The following PRDM11 variants were observed in gnomAD, a reference collection of about 807,000 sequenced individuals.
The protein encoded by PRDM11 is PR/SET domain 11.
A neutral mutation model predicts 97.8 loss-of-function variants in PRDM11; 20 were observed. That is an observed-to-expected ratio of 0.20 (90% CI 0.14 to 0.30). The LOEUF is 0.30. Ranked by LOEUF, PRDM11 falls within the 10% of genes least tolerant of loss-of-function variation. The probability of loss-of-function intolerance (pLI) is 1.00; values close to 1 mark genes in which losing one functional copy is unlikely to be tolerated. For synonymous variants in PRDM11, 599 were observed against 637.7 expected (o/e 0.94, Z 0.91); for missense variants, 1,139 against 1,555.2 (o/e 0.73, Z 4.50).
At chr11:45,202,376 A>G (rs994488083) in intron 4 of PRDM11, among the ~76,000 whole-genome samples, 1 of 152,356 alleles carries the variant, frequency 6.6e-6, no homozygotes, top group African/African-American at 2.4e-5. Context: ...TAACAGAGAT[A>G]ATGCCATGAT....
chr11:45,183,161 A>G (rs1431476126), intron 4 of PRDM11, 38 bp downstream of exon 4: 3 of 1,580,870 alleles, frequency 1.9e-6, no homozygotes, highest in Middle Eastern at 1.8e-4. Flanking sequence ...AGAGGTTGCC[A>G]AGAAACATGG....
At position 45,228,245 on chromosome 11, in the gene PRDM11, T is replaced by TTATATTATATTATATTATATAAATA. The variant is rs1854325077; in HGVS notation, c.*106_*107insAAATATATATTATATTATATTATAT. On this transcript the variant is annotated 3_prime_UTR_variant, in exon 8 of 8. Transcript: ENST00000683152. ...CTTTGATATATTATATAAATATATA[T>TTATATTATATTATATTATATAAATA]TATATTATATTATATTATATTATAT... The TTATATTATATTATATTATATAAATA allele has an allele frequency of 2.4e-5, 1 of 41,286 alleles. No homozygotes were observed. The highest frequency in any genetic ancestry group is 4.8e-5 in the Non-Finnish European group (1 of 20,942). The allele number at this position is 41,286 out of a possible 1,614,324, so 2.6% of individuals were successfully genotyped here.
At chr11:45,096,015 T>A in intron 1 of PRDM11, 1 of 701,848 alleles carries the variant, frequency 1.4e-6, no homozygotes, top group Non-Finnish European at 2.6e-6. Context: ...CTTGTTGTCA[T>A]CTTCTCATTA....
intron 1 of PRDM11, among the ~76,000 whole-genome samples, chr11:45,096,625 A>G (rs1851890215): frequency 6.6e-6 from 1 of 152,138 alleles, no homozygotes; most frequent in African/African-American, 2.4e-5. Flanking sequence ...CCTCCCATTC[A>G]GCTTATTCTC....
intron 4 of PRDM11, 101 bp downstream of exon 4, chr11:45,183,224 C>A: frequency 7.1e-7 from 1 of 1,402,824 alleles, no homozygotes; most frequent in Non-Finnish European, 9.5e-7. Flanking sequence ...CAGAACTTTT[C>A]TACCATCGCT....
chr11:45,137,425 G>A (rs1385320151), intron 1 of PRDM11, among the ~76,000 whole-genome samples: 6 of 149,298 alleles, frequency 4.0e-5, no homozygotes, highest in East Asian at 1.9e-4. Flanking sequence ...AAGAGACTCC[G>A]TCTCAAAAAA....
At chr11:45,162,152 C>G (rs866410193) in intron 1 of PRDM11, among the ~76,000 whole-genome samples, 1 of 152,194 alleles carries the variant, frequency 6.6e-6, no homozygotes, top group Non-Finnish European at 1.5e-5. Context: ...TCCCCAGCAC[C>G]AGCCCTGGAC....
At chr11:45,192,022 G>A (rs964109671) in intron 4 of PRDM11, among the ~76,000 whole-genome samples, 2 of 149,982 alleles carry the variant, frequency 1.3e-5, no homozygotes, top group African/African-American at 2.4e-5. Context: ...GCAACAGGCC[G>A]CCGTGTGTGA....
chr11:45,101,660 A>G (rs1316416565), intron 1 of PRDM11, among the ~76,000 whole-genome samples: 1 of 145,438 alleles, frequency 6.9e-6, no homozygotes, highest in Non-Finnish European at 1.5e-5. Context: ...CAGGGCTCAG[A>G]GCTGGAGGCT....
intron 4 of PRDM11, among the ~76,000 whole-genome samples, chr11:45,200,803 T>C (rs1394277154): frequency 1.3e-5 from 2 of 152,232 alleles, no homozygotes; most frequent in Non-Finnish European, 2.9e-5. Context: ...TTTCTCTTTT[T>C]AGTTTTCTGA....
In PRDM11 at chr11:45,210,354, G is replaced by A. The variant is rs530742866; in HGVS notation, c.554+5576G>A. Among the ~76,000 whole-genome samples, 16 of 152,310 alleles carry A rather than the reference G, an allele frequency of 1.1e-4. No homozygotes were observed. The South Asian group carries it at 2.3e-3, about 22-fold the overall frequency. ...TGCACTTTGAAGCCAGGGCCCCAGC[G>A]GCCGAGGCGGGTGTCCCTTGGGGCT... On this transcript the variant is annotated intron_variant, in intron 5 of 7. Transcript: ENST00000683152.
chr11:45,098,385 G>A (rs568889330), intron 1 of PRDM11, among the ~76,000 whole-genome samples: 4 of 152,364 alleles, frequency 2.6e-5, no homozygotes, highest in South Asian at 4.1e-4. Context: ...GGAAGGAAGA[G>A]CACAGATGAA....
At chr11:45,203,968 T>A (rs1853419486) in intron 4 of PRDM11, among the ~76,000 whole-genome samples, 1 of 152,208 alleles carries the variant, frequency 6.6e-6, no homozygotes, top group Admixed American at 6.5e-5. Context: ...AAATCTTCAC[T>A]TCAAAACCAC....
At chr11:45,123,434 A>T (rs1363045773) in intron 1 of PRDM11, among the ~76,000 whole-genome samples, 10 of 141,902 alleles carry the variant, frequency 7.0e-5, no homozygotes, top group Admixed American at 4.2e-4. Flanking sequence ...TATGTCCTGA[A>T]TGGTATTGCC....
intron 1 of PRDM11, among the ~76,000 whole-genome samples, chr11:45,106,303 A>G (rs1852060977): frequency 1.3e-5 from 2 of 152,174 alleles, no homozygotes; most frequent in East Asian, 3.9e-4. Context: ...CTCGCAAGCC[A>G]CACAGCCGTT....
At chr11:45,096,349 T>A (rs947438783) in intron 1 of PRDM11, among the ~76,000 whole-genome samples, 1 of 151,592 alleles carries the variant, frequency 6.6e-6, no homozygotes. Flanking sequence ...GGCACCGTGC[T>A]GGATGCTTTA....
At chr11:45,118,064 A>G (rs1488254317) in intron 1 of PRDM11, among the ~76,000 whole-genome samples, 2 of 152,192 alleles carry the variant, frequency 1.3e-5, no homozygotes, top group Admixed American at 1.3e-4. Context: ...ACAGTGGGAC[A>G]TCCTACAAAA....
chr11:45,188,938 G>A (rs1445021451), intron 4 of PRDM11, among the ~76,000 whole-genome samples: 3 of 152,152 alleles, frequency 2.0e-5, no homozygotes, highest in South Asian at 4.1e-4. Flanking sequence ...TTTTGCTCTC[G>A]TTACCCAGGC....
chr11:45,203,308 A>T (rs553546437), intron 4 of PRDM11, among the ~76,000 whole-genome samples: 1 of 152,194 alleles, frequency 6.6e-6, no homozygotes, highest in Non-Finnish European at 1.5e-5. Flanking sequence ...TAGAAAGGAA[A>T]AAGAAGGAAC....
Sources: gnomAD v4.1 joint callset for allele counts (sites outside exome capture counted in the v4.1 genomes callset) on GRCh38, gnomAD v4.1.1 for gene constraint, MANE v1.5 for transcripts, NCBI Gene and HGNC (gene_info 2026-07-23, HGNC 2026-07-21) for gene names.